The following ST6GALNAC5 variants were observed in gnomAD, a reference collection of about 807,000 sequenced individuals.
The protein encoded by ST6GALNAC5 is alpha-N-acetylgalactosaminide alpha-2,6-sialyltransferase 5.
In ST6GALNAC5, 27 loss-of-function variants were observed where a neutral mutation model predicts 33.6. That is an observed-to-expected ratio of 0.80 (90% CI 0.59 to 1.11). The LOEUF (loss-of-function observed/expected upper bound fraction) is 1.11. ST6GALNAC5 is among the 50% of genes least tolerant of loss of function. The pLI, the probability that ST6GALNAC5 is intolerant of heterozygous loss-of-function variation, is 0.00. For synonymous variants in ST6GALNAC5, 194 were observed against 171.2 expected (o/e 1.13, Z -1.04); for missense variants, 428 against 454.0 (o/e 0.94, Z 0.52).
chr1:76,938,121 A>G (rs914123789), intron 2 of ST6GALNAC5, among the ~76,000 whole-genome samples: 2 of 152,092 alleles, frequency 1.3e-5, no homozygotes, highest in Non-Finnish European at 1.5e-5. Flanking sequence ...AGTTGTGAGT[A>G]TAAGATCCTG....
chr1:76,867,866 C>T (rs999001150), intron 1 of ST6GALNAC5, among the ~76,000 whole-genome samples, 176 bp downstream of exon 1: 1 of 152,100 alleles, frequency 6.6e-6, no homozygotes, highest in African/African-American at 2.4e-5. Flanking sequence ...CTCTGCCTGG[C>T]TCGGAATCCC....
At chr1:77,018,345 G>A (rs990842814) in intron 2 of ST6GALNAC5, among the ~76,000 whole-genome samples, 1 of 152,144 alleles carries the variant, frequency 6.6e-6, no homozygotes, top group African/African-American at 2.4e-5. Flanking sequence ...TAGCAGCACA[G>A]GCATCTTCTG....
intron 2 of ST6GALNAC5, among the ~76,000 whole-genome samples, chr1:76,917,602 G>T (rs751689899): frequency 6.6e-6 from 1 of 151,210 alleles, no homozygotes; most frequent in East Asian, 1.9e-4. Flanking sequence ...TAGTGTATTA[G>T]GGTTCTCCAG....
chr1:76,976,350 A>G (rs1422823871), intron 2 of ST6GALNAC5, among the ~76,000 whole-genome samples: 1 of 152,194 alleles, frequency 6.6e-6, no homozygotes, highest in Non-Finnish European at 1.5e-5. Flanking sequence ...TAAAATTTTC[A>G]CATCACTATT....
rs2100490728 is a variant in ST6GALNAC5, at chr1:77,067,507, G to A, written c.*4301G>A. On this transcript the variant is annotated 3_prime_UTR_variant, in exon 5 of 5. Coordinates refer to ENST00000477717, the MANE Select transcript of ST6GALNAC5 (RefSeq NM_030965.3). ...CTAGTATAGTGCCTTGCACACAATA[G>A]GTGCTCAATAAATGTCTGTTGTTGA... 6.6e-6 allele frequency among the ~76,000 whole-genome samples: 1 copy of A among 152,280 alleles called. No homozygotes were observed. The highest frequency in any genetic ancestry group is 1.5e-5 in the Non-Finnish European group (1 of 68,026).
At chr1:76,894,478 G>T (rs751581516) in intron 2 of ST6GALNAC5, among the ~76,000 whole-genome samples, 4 of 152,070 alleles carry the variant, frequency 2.6e-5, no homozygotes, top group South Asian at 2.1e-4. Flanking sequence ...GAAGAGGCAG[G>T]GGGGGGATCT....
In ST6GALNAC5 at chr1:76,914,244, C is replaced by T. The variant is rs1009563465; in HGVS notation, c.261+45502C>T. Among the ~76,000 whole-genome samples, 17 of 152,200 alleles carry T rather than the reference C, an allele frequency of 1.1e-4. No homozygotes were observed. In the South Asian group the frequency reaches 1.5e-3, roughly 13 times the overall value. On this transcript the variant is annotated intron_variant, in intron 2 of 4. Transcript: ENST00000477717. ...GCTCATGGGTAGGAAGAATCAATATCGTGAAAAATGGCCATACTGCCCAAG... is the reference window on the plus strand; with the variant it reads ...GCTCATGGGTAGGAAGAATCAATATTGTGAAAAATGGCCATACTGCCCAAG...
intron 2 of ST6GALNAC5, among the ~76,000 whole-genome samples, chr1:77,032,187 G>A (rs1651482550): frequency 1.3e-5 from 2 of 152,136 alleles, no homozygotes; most frequent in Admixed American, 1.3e-4. Context: ...TATGAATAGT[G>A]CCACTTGGAG....
intron 2 of ST6GALNAC5, among the ~76,000 whole-genome samples, chr1:76,869,841 G>T (rs1162642333): frequency 6.6e-6 from 1 of 152,134 alleles, no homozygotes; most frequent in African/African-American, 2.4e-5. Flanking sequence ...CCTGAGGACA[G>T]AACAATATAC....
rs1489857377 is a variant in ST6GALNAC5, at chr1:76,969,818, G to A, written c.262-74386G>A. ...ATACAGGCAGGTGCCCCTCTGGGACGAAGCTTCCAGAGGAAGGATTGGGCA... is the reference window on the plus strand; with the variant it reads ...ATACAGGCAGGTGCCCCTCTGGGACAAAGCTTCCAGAGGAAGGATTGGGCA... On this transcript the variant is annotated intron_variant, in intron 2 of 4. Coordinates refer to ENST00000477717, the MANE Select transcript of ST6GALNAC5 (RefSeq NM_030965.3). Among the ~76,000 whole-genome samples, 9 of 152,228 alleles carry A rather than the reference G, an allele frequency of 5.9e-5. No individual in the cohort carries two copies. In the Middle Eastern group the frequency reaches 0.01, roughly 173 times the overall value.
intron 2 of ST6GALNAC5, among the ~76,000 whole-genome samples, chr1:76,917,015 A>G (rs1001914321): frequency 2.6e-5 from 4 of 152,210 alleles, no homozygotes; most frequent in African/African-American, 9.6e-5. Context: ...ATACTTCTCC[A>G]GAATTCATTC....
At chr1:76,915,666 G>A (rs1646963842) in intron 2 of ST6GALNAC5, among the ~76,000 whole-genome samples, 1 of 150,138 alleles carries the variant, frequency 6.7e-6, no homozygotes, top group African/African-American at 2.5e-5. Flanking sequence ...ACACAGGAAG[G>A]GGAACATCGC....
chr1:77,056,890 TAAG>T (rs1652417365), intron 4 of ST6GALNAC5, among the ~76,000 whole-genome samples: 1 of 151,958 alleles, frequency 6.6e-6, no homozygotes, highest in South Asian at 2.1e-4. Context: ...TTTCCTCCCA[TAAG>T]AAGATCCAAG....
intron 2 of ST6GALNAC5, among the ~76,000 whole-genome samples, chr1:76,955,657 G>GT (rs1057191385): frequency 1.3e-5 from 2 of 152,114 alleles, no homozygotes; most frequent in East Asian, 1.9e-4. Flanking sequence ...ATTAATCAAT[G>GT]TTTTTTTGTA....
intron 2 of ST6GALNAC5, among the ~76,000 whole-genome samples, chr1:77,006,987 G>T (rs1650444322): frequency 6.6e-6 from 1 of 152,142 alleles, no homozygotes. Flanking sequence ...TTGCTCCCAG[G>T]GTGGCAGGGT....
intron 2 of ST6GALNAC5, among the ~76,000 whole-genome samples, chr1:76,909,352 C>T (rs1233372076): frequency 6.6e-6 from 1 of 151,928 alleles, no homozygotes; most frequent in East Asian, 1.9e-4. Context: ...TCAGTTTCTA[C>T]ATCTGTAAAA....
At chr1:77,045,795 A>G (rs549120922) in intron 3 of ST6GALNAC5, among the ~76,000 whole-genome samples, 1 of 152,234 alleles carries the variant, frequency 6.6e-6, no homozygotes, top group East Asian at 1.9e-4. Context: ...ACACAAGGTG[A>G]AGAAGAGAGG....
intron 2 of ST6GALNAC5, among the ~76,000 whole-genome samples, chr1:76,989,255 A>G (rs1434302237): frequency 1.3e-5 from 2 of 150,818 alleles, no homozygotes; most frequent in Non-Finnish European, 3.0e-5. Context: ...CTTTTGCCCC[A>G]TTTTGTTTTT....
At chr1:76,964,854 G>A (rs1648392149) in intron 2 of ST6GALNAC5, among the ~76,000 whole-genome samples, 1 of 152,084 alleles carries the variant, frequency 6.6e-6, no homozygotes, top group Admixed American at 6.6e-5. Flanking sequence ...GAGAACATGT[G>A]GTGTTTGGTT....
Sources: gnomAD v4.1 joint callset for allele counts (sites outside exome capture counted in the v4.1 genomes callset) on GRCh38, gnomAD v4.1.1 for gene constraint, MANE v1.5 for transcripts, NCBI Gene and HGNC (gene_info 2026-07-23, HGNC 2026-07-21) for gene names.